The following CADPS2 variants were observed in gnomAD, a reference collection of about 807,000 sequenced individuals.
CADPS2 encodes calcium dependent secretion activator 2.
CADPS2 carries 93 observed loss-of-function variants against 172.5 expected under a neutral mutation model. The observed-to-expected ratio is 0.54, with a 90% CI of 0.46 to 0.64. The LOEUF (loss-of-function observed/expected upper bound fraction) is 0.64. Among genes scored for constraint, CADPS2 ranks in the 30% least tolerant of loss-of-function variants. The probability of loss-of-function intolerance (pLI) is 0.00; values close to 1 mark genes in which losing one functional copy is unlikely to be tolerated. For missense variants in CADPS2, 1,420 were observed against 1,565.9 expected (o/e 0.91, Z 1.57); for synonymous variants, 546 against 555.2 (o/e 0.98, Z 0.23).
rs56843003 is a variant in CADPS2 at position 122,774,269 on chromosome 7, T to TACACACACAC, written c.340-37211_340-37202dup. 2.0e-3 allele frequency among the ~76,000 whole-genome samples: 290 copies of TACACACACAC among 143,060 alleles called. 3 individuals carry two copies. Among genetic ancestry groups the TACACACACAC allele is most frequent in the Non-Finnish European group, 3.1e-3 (199 of 64,790 alleles). 93.9% of individuals were successfully genotyped at this position (143,060 alleles called of 152,430 possible). ...ATATATATATAGACATAGATAGATA[T>TACACACACAC]ACACACACACACACACACACACACA... On this transcript the variant is annotated intron_variant, in intron 1 of 29. Transcript: ENST00000449022.
chr7:122,590,993 T>A (rs929280332), intron 6 of CADPS2, among the ~76,000 whole-genome samples: 2 of 151,980 alleles, frequency 1.3e-5, no homozygotes, highest in African/African-American at 4.8e-5. Context: ...ACTGCCTAAC[T>A]TATCACCATC....
rs75727981 is a variant in CADPS2, at chr7:122,617,214, A to G, written c.1105-1915T>C. 3.9e-5 allele frequency among the ~76,000 whole-genome samples: 6 copies of G among 152,228 alleles called. No homozygotes were observed. The East Asian group carries it at 1.2e-3, about 29-fold the overall frequency. On this transcript the variant is annotated intron_variant, in intron 5 of 29. Transcript: ENST00000449022. ...TCTGCTTTTCAAAACAATACTTCCA[A>G]CTGTGCTGGGAACGTTTTACCCTGC...
intron 25 of CADPS2, among the ~76,000 whole-genome samples, chr7:122,376,333 A>G (rs564564798): frequency 2.6e-4 from 40 of 152,294 alleles, no homozygotes; most frequent in Non-Finnish European, 4.9e-4. Context: ...TTTAATATCC[A>G]TGAGACAGGT....
chr7:122,710,693 T>C lies in CADPS2; in HGVS notation c.453+26262A>G, dbSNP rs540488403. Among the ~76,000 whole-genome samples, 253 of 152,230 alleles carry C rather than the reference T, an allele frequency of 1.7e-3. 1 individual carries two copies. Among genetic ancestry groups the C allele is most frequent in the African/African-American group, 5.7e-3 (237 of 41,548 alleles). Reference sequence around the variant, plus strand: ...TCCAGCTAATAAAATTCCCATCATCTTTACAGACCCATTTCAATCTCCCAT... The same window carrying C: ...TCCAGCTAATAAAATTCCCATCATCCTTACAGACCCATTTCAATCTCCCAT... On this transcript the variant is annotated intron_variant, in intron 2 of 29. Coordinates refer to ENST00000449022, the MANE Select transcript of CADPS2 (RefSeq NM_017954.11).
intron 24 of CADPS2, among the ~76,000 whole-genome samples, chr7:122,384,200 T>G (rs905440439): frequency 1.3e-5 from 2 of 152,106 alleles, no homozygotes; most frequent in African/African-American, 4.8e-5. Flanking sequence ...TGGAACATGT[T>G]TGCATCATCA....
At chr7:122,468,618 C>CT (rs2152133084) in intron 14 of CADPS2, among the ~76,000 whole-genome samples, 1 of 152,144 alleles carries the variant, frequency 6.6e-6, no homozygotes, top group African/African-American at 2.4e-5. Context: ...GATGTAGTAC[C>CT]TTCACATTAG....
chr7:122,447,342 C>A (rs569254590), intron 15 of CADPS2, among the ~76,000 whole-genome samples: 2 of 151,802 alleles, frequency 1.3e-5, no homozygotes, highest in Non-Finnish European at 2.9e-5. Context: ...ATTAATACAA[C>A]TCCAAGCTCT....
chr7:122,832,381 C>G (rs1362302999), intron 1 of CADPS2, among the ~76,000 whole-genome samples: 1 of 151,792 alleles, frequency 6.6e-6, no homozygotes, highest in Admixed American at 6.6e-5. Context: ...GCTTAGAGAC[C>G]TGGTCTTCTA....
chr7:122,506,930 CA>C (rs1241195450), intron 9 of CADPS2, among the ~76,000 whole-genome samples: 1 of 151,942 alleles, frequency 6.6e-6, no homozygotes, highest in Non-Finnish European at 1.5e-5. Context: ...GAATGATTTG[CA>C]TATATTTATT....
intron 27 of CADPS2, among the ~76,000 whole-genome samples, chr7:122,348,657 T>C (rs2038054273): frequency 6.6e-6 from 1 of 152,214 alleles, no homozygotes; most frequent in South Asian, 2.1e-4. Context: ...TTCTTGAAAT[T>C]GTGACATATG....
chr7:122,488,790 C>T lies in CADPS2; in HGVS notation c.1852+1291G>A, dbSNP rs1170680183. ...CTGTGACTCAGTTGTTTTGAATTAGCGAGTTAAAGTTTTTTGGCAACATTA... is the reference window on the plus strand; with the variant it reads ...CTGTGACTCAGTTGTTTTGAATTAGTGAGTTAAAGTTTTTTGGCAACATTA... On this transcript the variant is annotated intron_variant, in intron 11 of 29. Transcript: ENST00000449022. Among the ~76,000 whole-genome samples the T allele has an allele frequency of 2.6e-5, 4 of 152,044 alleles. No individual in the cohort carries two copies. The East Asian group carries it at 7.7e-4, about 29-fold the overall frequency.
intron 4 of CADPS2, among the ~76,000 whole-genome samples, chr7:122,628,390 T>C (rs976690057): frequency 5.9e-5 from 9 of 152,012 alleles, no homozygotes; most frequent in African/African-American, 2.2e-4. Context: ...TAAACATTCA[T>C]TAAACTGTAA....
At chr7:122,462,734 A>T (rs2054613344) in intron 14 of CADPS2, among the ~76,000 whole-genome samples, 1 of 152,192 alleles carries the variant, frequency 6.6e-6, no homozygotes, top group South Asian at 2.1e-4. Context: ...ATCATGCAAA[A>T]ATCATTATTA....
chr7:122,704,227 T>G (rs1295735465), intron 2 of CADPS2, among the ~76,000 whole-genome samples: 1 of 152,100 alleles, frequency 6.6e-6, no homozygotes, highest in Non-Finnish European at 1.5e-5. Flanking sequence ...TTGTTAGTAT[T>G]CCCTGTATTT....
intron 9 of CADPS2, among the ~76,000 whole-genome samples, chr7:122,499,775 G>C (rs1724056295): frequency 1.3e-5 from 2 of 152,074 alleles, no homozygotes; most frequent in Admixed American, 1.3e-4. Context: ...TTCAACACCA[G>C]GGGACCTCTA....
chr7:122,603,776 C>G (rs1357977653), intron 6 of CADPS2, among the ~76,000 whole-genome samples: 1 of 152,034 alleles, frequency 6.6e-6, no homozygotes, highest in African/African-American at 2.4e-5. Flanking sequence ...ATTTTAAAAC[C>G]TAGAAATTTT....
Position 122,840,132 on chromosome 7 carries a change from A to G in CADPS2, c.339+45867T>C, listed in dbSNP as rs547807842. On this transcript the variant is annotated intron_variant, in intron 1 of 29. Coordinates refer to ENST00000449022, the MANE Select transcript of CADPS2 (RefSeq NM_017954.11). ...GGATGAGTTCATGTCCTTTGTAGGGACATGGATGAAGCTGGAAACCATCGT... is the reference window on the plus strand; with the variant it reads ...GGATGAGTTCATGTCCTTTGTAGGGGCATGGATGAAGCTGGAAACCATCGT... Among the ~76,000 whole-genome samples, 346 of 152,294 alleles carry G rather than the reference A, an allele frequency of 2.3e-3. 4 individuals carry two copies. The highest frequency in any genetic ancestry group is 8.1e-3 in the African/African-American group (338 of 41,558).
intron 8 of CADPS2, among the ~76,000 whole-genome samples, chr7:122,538,061 A>G (rs2062494619): frequency 6.6e-6 from 1 of 151,658 alleles, no homozygotes; most frequent in African/African-American, 2.4e-5. Context: ...CTTACCTCCA[A>G]CCGAAGTTTC....
intron 1 of CADPS2, among the ~76,000 whole-genome samples, chr7:122,848,147 C>T (rs1053102238): frequency 1.5e-4 from 23 of 152,104 alleles, no homozygotes; most frequent in Admixed American, 3.9e-4. Context: ...TTGCCTTTAG[C>T]TAAGGTCTTG....
Sources: allele counts gnomAD v4.1 joint callset (sites outside exome capture counted in the v4.1 genomes callset), GRCh38; gene constraint gnomAD v4.1.1; transcripts MANE v1.5; gene names NCBI Gene and HGNC (gene_info 2026-07-23, HGNC 2026-07-21).